PRDM5: variants seen among roughly 807,000 people sequenced by gnomAD.
PRDM5 encodes PR domain zinc finger protein 5.
In PRDM5, 56 loss-of-function variants were observed where a neutral mutation model predicts 81.2. The ratio of observed to expected loss-of-function variants is 0.69; its 90% CI spans 0.56 to 0.86. The LOEUF is 0.86. PRDM5 is among the 40% of genes least tolerant of loss of function. PRDM5 has a pLI of 0.00. For synonymous variants in PRDM5, 267 were observed against 256.4 expected, an observed-to-expected ratio of 1.04 and a Z score of -0.39; for missense variants, 697 against 770.1, an observed-to-expected ratio of 0.91 and a Z score of 1.12.
Position 120,692,415 on chromosome 4 carries a change from T to C in PRDM5, c.*2696A>G, listed in dbSNP as rs958292012. On this transcript the variant is annotated 3_prime_UTR_variant, in exon 16 of 16. Coordinates refer to ENST00000264808, the MANE Select transcript of PRDM5 (RefSeq NM_018699.4). ...TGAAAATAACATGTTAACTATACTA[T>C]GTAACCCCAAGAATTTATCACCAAG... 1 of 151,984 alleles carries C rather than the reference T, an allele frequency of 6.6e-6. No individual in the cohort carries two copies. Among genetic ancestry groups the C allele is most frequent in the Non-Finnish European group, 1.5e-5 (1 of 67,938 alleles). The allele number at this position is 151,984 out of a possible 1,614,324, so 9.4% of individuals were successfully genotyped here. A position where few individuals can be genotyped will look rare whatever the true frequency, so the allele number is the denominator to read the frequency against.
At chr4:120,796,259 T>G (rs886476209) in intron 10 of PRDM5, among the ~76,000 whole-genome samples, 8 of 152,212 alleles carry the variant, frequency 5.3e-5, no homozygotes, top group African/African-American at 1.2e-4. Flanking sequence ...GGTATTTTCA[T>G]GTAACAATGC....
intron 14 of PRDM5, among the ~76,000 whole-genome samples, chr4:120,740,679 T>C (rs1741793037): frequency 1.3e-5 from 2 of 152,128 alleles, no homozygotes; most frequent in African/African-American, 2.4e-5. Flanking sequence ...CTCATGTGGG[T>C]CCCTATTCCT....
chr4:120,857,080 G>C (rs1424787473), intron 2 of PRDM5, among the ~76,000 whole-genome samples: 1 of 152,176 alleles, frequency 6.6e-6, no homozygotes, highest in East Asian at 1.9e-4. Flanking sequence ...AAACATGCCA[G>C]GAAGGTGGCT....
chr4:120,792,981 A>G (rs1456660860), intron 10 of PRDM5, among the ~76,000 whole-genome samples: 1 of 152,146 alleles, frequency 6.6e-6, no homozygotes, highest in African/African-American at 2.4e-5. Flanking sequence ...GTTACACAGG[A>G]TAAGTAAGTT....
intron 2 of PRDM5, among the ~76,000 whole-genome samples, chr4:120,879,013 T>C (rs1178809507): frequency 6.6e-6 from 1 of 152,200 alleles, no homozygotes; most frequent in African/African-American, 2.4e-5. Flanking sequence ...TCTTACCATG[T>C]GATCCAGCAA....
intron 2 of PRDM5, among the ~76,000 whole-genome samples, chr4:120,877,903 T>C (rs1251580189): frequency 2.6e-5 from 4 of 152,218 alleles, no homozygotes; most frequent in Non-Finnish European, 5.9e-5. Context: ...GAATCTCTTT[T>C]TACTGGCCAC....
intron 14 of PRDM5, among the ~76,000 whole-genome samples, chr4:120,735,806 T>C (rs1182349834): frequency 1.3e-5 from 2 of 152,118 alleles, no homozygotes; most frequent in Non-Finnish European, 2.9e-5. Context: ...GTCAGCAGGC[T>C]GAGGAGAACC....
chr4:120,907,099 C>T (rs1169620487), intron 2 of PRDM5, among the ~76,000 whole-genome samples: 2 of 151,520 alleles, frequency 1.3e-5, no homozygotes, highest in African/African-American at 4.8e-5. Context: ...CTCTGGGAGG[C>T]CGAGACGGGT....
Position 120,694,939 on chromosome 4 carries a change from G to T in PRDM5, c.*172C>A. The T allele has an allele frequency of 1.4e-6, 1 of 710,984 alleles. No homozygotes were observed. The highest frequency in any genetic ancestry group is 2.3e-6 in the Non-Finnish European group (1 of 426,736). 44.0% of individuals were successfully genotyped at this position (710,984 alleles called of 1,614,324 possible). A position where few individuals can be genotyped will look rare whatever the true frequency, so the allele number is the denominator to read the frequency against. ...CCATTTATACCATTTCTTGTTAAAAGTAAGACTTTTTTTTGGTTGCATATG... is the reference window on the plus strand; with the variant it reads ...CCATTTATACCATTTCTTGTTAAAATTAAGACTTTTTTTTGGTTGCATATG... On this transcript the variant is annotated 3_prime_UTR_variant, in exon 16 of 16. Coordinates refer to ENST00000264808, the MANE Select transcript of PRDM5 (RefSeq NM_018699.4).
intron 13 of PRDM5, among the ~76,000 whole-genome samples, chr4:120,768,950 G>A (rs116692477): frequency 0.018 from 2,768 of 152,270 alleles, 33 homozygotes; most frequent in Middle Eastern, 0.031. Flanking sequence ...ATAAAAAATG[G>A]AAAGGGAAGC....
intron 2 of PRDM5, chr4:120,897,202 G>C (rs1229449544): frequency 1.3e-5 from 2 of 152,056 alleles, no homozygotes; most frequent in African/African-American, 4.8e-5. Context: ...ACATTTGGAA[G>C]AGATGGGAAG....
In PRDM5 at chr4:120,717,425, T is replaced by C. The variant is rs377709941; in HGVS notation, c.1624-7012A>G. Among the ~76,000 whole-genome samples the C allele has an allele frequency of 1.1e-4, 17 of 152,324 alleles. No homozygotes were observed. In the East Asian group the frequency reaches 3.3e-3, roughly 29 times the overall value. ...GTGCTGCACCTTGTAATCTAGGTAA[T>C]AAAAAGTCGTATTTTGTGTAGTTAA... On this transcript the variant is annotated intron_variant, in intron 14 of 15. Transcript: ENST00000264808.
intron 14 of PRDM5, among the ~76,000 whole-genome samples, chr4:120,722,192 C>A (rs146126517): frequency 6.6e-6 from 1 of 152,276 alleles, no homozygotes; most frequent in East Asian, 1.9e-4. Flanking sequence ...TGCCTACGAT[C>A]CCCCGAGTGT....
downstream of PRDM5, among the ~76,000 whole-genome samples, chr4:120,691,419 C>A (rs1218826560): frequency 1.3e-5 from 2 of 152,070 alleles, no homozygotes; most frequent in African/African-American, 4.8e-5. Context: ...TTTCTAAATC[C>A]ACTACTCAGA....
intron 10 of PRDM5, among the ~76,000 whole-genome samples, chr4:120,793,877 A>C (rs1750958689): frequency 6.6e-6 from 1 of 152,220 alleles, no homozygotes; most frequent in Admixed American, 6.5e-5. Context: ...GTGTGTATAC[A>C]TATAAACATT....
At chr4:120,885,704 G>A (rs1322749493) in intron 2 of PRDM5, 1 of 151,964 alleles carries the variant, frequency 6.6e-6, no homozygotes, top group East Asian at 1.9e-4. Flanking sequence ...TGAGGCAGGA[G>A]AATTGCTTGA....
intron 14 of PRDM5, among the ~76,000 whole-genome samples, chr4:120,731,467 T>C (rs552926821): frequency 6.6e-6 from 1 of 151,138 alleles, no homozygotes; most frequent in African/African-American, 2.4e-5. Context: ...CTAACAAAAG[T>C]CTAGAAAAAG....
At chr4:120,879,721 G>A (rs1237249184) in intron 2 of PRDM5, among the ~76,000 whole-genome samples, 2 of 152,042 alleles carry the variant, frequency 1.3e-5, no homozygotes, top group Non-Finnish European at 2.9e-5. Flanking sequence ...TTTTTGGGGA[G>A]TCAAAAGTTA....
chr4:120,770,524 G>C (rs1424526799), intron 13 of PRDM5, among the ~76,000 whole-genome samples: 1 of 150,226 alleles, frequency 6.7e-6, no homozygotes, highest in Non-Finnish European at 1.5e-5. Flanking sequence ...AGTTTTACGT[G>C]ACATGGGAGC....
Sources: gnomAD v4.1 joint callset for allele counts (sites outside exome capture counted in the v4.1 genomes callset) on GRCh38, gnomAD v4.1.1 for gene constraint, MANE v1.5 for transcripts, NCBI Gene and HGNC (gene_info 2026-07-23, HGNC 2026-07-21) for gene names.